Variants in RARB observed in about 807,000 individuals in gnomAD.
The protein encoded by RARB is HBV-activated protein.
In RARB, 17 loss-of-function variants were observed where a neutral mutation model predicts 51.9. That is an observed-to-expected ratio of 0.33 (90% confidence interval 0.22 to 0.49). The LOEUF is 0.49. Among genes scored for constraint, RARB ranks in the 20% least tolerant of loss-of-function variants. The probability of loss-of-function intolerance (pLI) is 0.99; values close to 1 mark genes in which losing one functional copy is unlikely to be tolerated. For missense variants in RARB, 369 were observed against 550.8 expected (o/e 0.67, Z 3.30); for synonymous variants, 215 against 195.4 (o/e 1.10, Z -0.84).
chr3:24,906,630 G>A (rs1694869616), intron 2 of RARB, among the ~76,000 whole-genome samples: 1 of 151,960 alleles, frequency 6.6e-6, no homozygotes, highest in South Asian at 2.1e-4. Context: ...ATCACCTGAG[G>A]TCAGGAGCTC....
At chr3:25,434,373 T>C (rs1708334121) in intron 1 of RARB, among the ~76,000 whole-genome samples, 1 of 152,220 alleles carries the variant, frequency 6.6e-6, no homozygotes, top group Non-Finnish European at 1.5e-5. Flanking sequence ...ATAGAATAGA[T>C]ATTTGTGTTC....
At chr3:24,907,526 A>G (rs966001392) in intron 2 of RARB, among the ~76,000 whole-genome samples, 5 of 152,214 alleles carry the variant, frequency 3.3e-5, no homozygotes, top group Non-Finnish European at 7.3e-5. Flanking sequence ...AGGTCAGACT[A>G]ACTCCAAAGC....
At chr3:25,432,340 C>T (rs1357575496) in intron 1 of RARB, among the ~76,000 whole-genome samples, 1 of 152,142 alleles carries the variant, frequency 6.6e-6, no homozygotes, top group Non-Finnish European at 1.5e-5. Flanking sequence ...ATTCAAAAAA[C>T]TAAACAGTAG....
chr3:25,540,146 T>C (rs942039042), intron 3 of RARB, among the ~76,000 whole-genome samples: 6 of 152,224 alleles, frequency 3.9e-5, no homozygotes, highest in Non-Finnish European at 7.3e-5. Flanking sequence ...TTGGTTATTT[T>C]ATTTATTGAC....
In RARB at chr3:25,165,360, T is replaced by G. The variant is rs115879447; in HGVS notation, c.-279-8759T>G. The stretch of plus-strand genomic sequence containing the variant: ...TTTCCATTTCTATGCCAGTCTTCTC[T>G]CTCTGTCTTTCTAGGTGTCTTAGGC... On this transcript the variant is annotated intron_variant, in intron 4 of 11. Transcript: ENST00000383772. Among the ~76,000 whole-genome samples, 805 of 152,268 alleles carry G rather than the reference T, an allele frequency of 5.3e-3. 12 individuals carry two copies. Among genetic ancestry groups the G allele is most frequent in the African/African-American group, 0.017 (705 of 41,548 alleles).
chr3:25,086,985 C>A (rs937194947), intron 3 of RARB, among the ~76,000 whole-genome samples: 3 of 152,146 alleles, frequency 2.0e-5, no homozygotes, highest in Non-Finnish European at 4.4e-5. Context: ...GAAGGGGATT[C>A]TCTACAGAAT....
intron 5 of RARB, among the ~76,000 whole-genome samples, chr3:25,205,168 C>G (rs956189942): frequency 6.6e-6 from 1 of 152,178 alleles, no homozygotes. Context: ...GCAGTTTGAT[C>G]TCAGACTGCT....
intron 5 of RARB, among the ~76,000 whole-genome samples, chr3:25,391,587 C>G (rs766246497): frequency 8.0e-4 from 122 of 151,844 alleles, no homozygotes; most frequent in Admixed American, 1.8e-3. Context: ...ATGATTCTTG[C>G]AGAAGTAAGA....
chr3:25,500,454 G>GTTTTTTT (rs753321842), intron 2 of RARB, among the ~76,000 whole-genome samples: 103 of 66,106 alleles, frequency 1.6e-3, no homozygotes, highest in Non-Finnish European at 2.4e-3. Context: ...TTCTTTTCTT[G>GTTTTTTT]TTTTTTTTTT....
chr3:24,844,250 T>C (rs1403891909), intron 1 of RARB, among the ~76,000 whole-genome samples: 1 of 152,204 alleles, frequency 6.6e-6, no homozygotes, highest in Non-Finnish European at 1.5e-5. Context: ...AGCTGTCACA[T>C]GCGTGCAGCC....
intron 1 of RARB, among the ~76,000 whole-genome samples, chr3:24,846,664 C>G (rs977570268): frequency 1.3e-5 from 2 of 152,142 alleles, no homozygotes; most frequent in Non-Finnish European, 2.9e-5. Context: ...GTCCAGATGT[C>G]CCTAGTCTGA....
chr3:25,245,259 T>C (rs1237855539), intron 5 of RARB, among the ~76,000 whole-genome samples: 1 of 152,176 alleles, frequency 6.6e-6, no homozygotes, highest in African/African-American at 2.4e-5. Flanking sequence ...CTTTATCCAA[T>C]TTGCCAATTT....
chr3:25,237,519 C>G (rs1702332272), intron 5 of RARB, among the ~76,000 whole-genome samples: 1 of 151,812 alleles, frequency 6.6e-6, no homozygotes, highest in Non-Finnish European at 1.5e-5. Context: ...TTAAAAAAGC[C>G]ACCCTCCAAA....
intron 1 of RARB, among the ~76,000 whole-genome samples, chr3:25,444,161 C>A (rs1302969949): frequency 6.6e-6 from 1 of 152,134 alleles, no homozygotes; most frequent in African/African-American, 2.4e-5. Flanking sequence ...GAGAAAGGCC[C>A]TGTTATCCCC....
intron 2 of RARB, among the ~76,000 whole-genome samples, chr3:24,907,395 GAGTT>G (rs1236237800): frequency 3.3e-5 from 5 of 152,330 alleles, no homozygotes; most frequent in Non-Finnish European, 5.9e-5. Flanking sequence ...GATTAGAAAA[GAGTT>G]AGTTACAAGA....
chr3:25,191,098 T>G (rs1701092801), intron 5 of RARB, among the ~76,000 whole-genome samples: 2 of 152,132 alleles, frequency 1.3e-5, no homozygotes, highest in Non-Finnish European at 2.9e-5. Context: ...TATTACAGAC[T>G]TTGATATAAC....
At chr3:24,898,571 A>T (rs1703528574) in intron 2 of RARB, among the ~76,000 whole-genome samples, 1 of 152,156 alleles carries the variant, frequency 6.6e-6, no homozygotes, top group African/African-American at 2.4e-5. Context: ...GGAAGGCACG[A>T]TGCCCACATG....
chr3:25,194,735 G>C (rs1173168328), intron 5 of RARB, among the ~76,000 whole-genome samples: 1 of 151,362 alleles, frequency 6.6e-6, no homozygotes, highest in Non-Finnish European at 1.5e-5. Context: ...ATTTGTATAA[G>C]CATTCTGGAA....
intron 4 of RARB, among the ~76,000 whole-genome samples, chr3:25,169,144 G>A (rs1042042755): frequency 3.9e-5 from 6 of 152,116 alleles, no homozygotes; most frequent in African/African-American, 1.4e-4. Context: ...TGTAATTCAT[G>A]CAGAGTCTCA....
Sources: gnomAD v4.1 joint callset for allele counts (sites outside exome capture counted in the v4.1 genomes callset) on GRCh38, gnomAD v4.1.1 for gene constraint, MANE v1.5 for transcripts, NCBI Gene and HGNC (gene_info 2026-07-23, HGNC 2026-07-21) for gene names.